Variants in GRIN2B observed in about 807,000 individuals in gnomAD.
GRIN2B encodes glutamate receptor ionotropic, NMDA 2B.
A neutral mutation model predicts 114.5 loss-of-function variants in GRIN2B; 5 were observed. The ratio of observed to expected loss-of-function variants is 0.04; its 90% CI spans 0.02 to 0.09. The LOEUF (loss-of-function observed/expected upper bound fraction) is 0.09, where lower values mean the gene tolerates loss of function less well. Ranked by LOEUF, GRIN2B falls within the 10% of genes least tolerant of loss-of-function variation. GRIN2B has a pLI of 1.00. For missense variants in GRIN2B, 1,108 were observed against 1,943.5 expected (o/e 0.57, Z 8.08); for synonymous variants, 787 against 745.1 (o/e 1.06, Z -0.92).
chr12:13,565,048 C>A (rs1202303440), intron 13 of GRIN2B, among the ~76,000 whole-genome samples: 1 of 152,198 alleles, frequency 6.6e-6, no homozygotes, highest in African/African-American at 2.4e-5. Context: ...AAATAAACGG[C>A]CATGTTCTAT....
intron 5 of GRIN2B, among the ~76,000 whole-genome samples, chr12:13,654,640 A>G (rs1949845495): frequency 6.6e-6 from 1 of 152,176 alleles, no homozygotes; most frequent in African/African-American, 2.4e-5. Flanking sequence ...GAGTTCCTGT[A>G]TACAAAAAGT....
chr12:13,738,253 C>T (rs530252723), intron 4 of GRIN2B, among the ~76,000 whole-genome samples: 1 of 152,358 alleles, frequency 6.6e-6, no homozygotes, highest in African/African-American at 2.4e-5. Flanking sequence ...ACATCACTTT[C>T]TAGTGCTAAT....
Position 13,547,981 on chromosome 12 carries a change from A to ATATATATATATATATATTTTTTTTTTTTT in GRIN2B, c.*14801_*14802insAAAAAAAAAAAAATATATATATATATATA. The ATATATATATATATATATTTTTTTTTTTTT allele has an allele frequency of 4.4e-5, 3 of 68,578 alleles. No homozygotes were observed. The highest frequency in any genetic ancestry group is 1.9e-4 in the Admixed American group (1 of 5,176). The allele number at this position is 68,578 out of a possible 1,614,324, so 4.2% of individuals were successfully genotyped here. On this transcript the variant is annotated 3_prime_UTR_variant, in exon 14 of 14. Coordinates refer to ENST00000609686, the MANE Select transcript of GRIN2B (RefSeq NM_000834.5). ...TGTGTATATATATATATATATATAT[A>ATATATATATATATATATTTTTTTTTTTTT]TTTTTTTTTTTTTTCTGAAAGCTAC...
rs1948451533 is a variant in GRIN2B, at chr12:13,554,271, ATAGCTGCCAC to A, written c.*8502_*8511del. On this transcript the variant is annotated 3_prime_UTR_variant, in exon 14 of 14. Coordinates refer to ENST00000609686, the MANE Select transcript of GRIN2B (RefSeq NM_000834.5). ...TACCTATGAAATAAGATGGCCCATG[ATAGCTGCCAC>A]TAGGGAGAAACAACGAAAGTGTTAT... 6.6e-6 allele frequency: 1 copy of A among 152,200 alleles called. No homozygotes were observed. The highest frequency in any genetic ancestry group is 6.5e-5 in the Admixed American group (1 of 15,276). The allele number at this position is 152,200 out of a possible 1,614,324, so 9.4% of individuals were successfully genotyped here.
intron 10 of GRIN2B, among the ~76,000 whole-genome samples, chr12:13,606,615 C>A (rs1308783933): frequency 6.6e-6 from 1 of 152,114 alleles, no homozygotes; most frequent in Non-Finnish European, 1.5e-5. Flanking sequence ...GCGTGGTCCA[C>A]CTTACCCTAA....
chr12:13,748,235 A>G (rs773611965), intron 4 of GRIN2B, among the ~76,000 whole-genome samples: 2 of 152,230 alleles, frequency 1.3e-5, no homozygotes, highest in Non-Finnish European at 2.9e-5. Flanking sequence ...CTATATTAAG[A>G]TCCATCTATC....
At chr12:13,678,074 G>C (rs1950092474) in intron 4 of GRIN2B, among the ~76,000 whole-genome samples, 4 of 152,084 alleles carry the variant, frequency 2.6e-5, no homozygotes, top group African/African-American at 4.8e-5. Flanking sequence ...AGAAATCTTG[G>C]AATAGCCAAC....
At chr12:13,821,337 C>T (rs1864932465) in intron 3 of GRIN2B, among the ~76,000 whole-genome samples, 1 of 152,214 alleles carries the variant, frequency 6.6e-6, no homozygotes, top group Admixed American at 6.5e-5. Flanking sequence ...TGTTCACACA[C>T]ACTTACACAT....
chr12:13,899,665 G>T (rs1168097832), intron 2 of GRIN2B, among the ~76,000 whole-genome samples: 1 of 143,632 alleles, frequency 7.0e-6, no homozygotes, highest in Non-Finnish European at 1.6e-5. Context: ...GTCAAAGGGG[G>T]ACATTGCCAA....
intron 2 of GRIN2B, among the ~76,000 whole-genome samples, chr12:13,958,885 G>T (rs543923483): frequency 6.6e-6 from 1 of 151,634 alleles, no homozygotes; most frequent in South Asian, 2.1e-4. Context: ...GAAAAAAGAC[G>T]TTATAGAGAC....
At chr12:13,767,510 A>G (rs1022563706) in intron 3 of GRIN2B, among the ~76,000 whole-genome samples, 1 of 152,160 alleles carries the variant, frequency 6.6e-6, no homozygotes, top group African/African-American at 2.4e-5. Flanking sequence ...TACACTAGCA[A>G]TGGCGCCCAT....
chr12:13,769,596 T>C (rs1348347468), intron 3 of GRIN2B, among the ~76,000 whole-genome samples: 1 of 152,222 alleles, frequency 6.6e-6, no homozygotes, highest in Non-Finnish European at 1.5e-5. Context: ...ACAATTTACT[T>C]GGCGATAAAG....
At chr12:13,811,772 C>A (rs1591745899) in intron 3 of GRIN2B, among the ~76,000 whole-genome samples, 1 of 152,254 alleles carries the variant, frequency 6.6e-6, no homozygotes, top group Non-Finnish European at 1.5e-5. Flanking sequence ...AACATACTAG[C>A]CTGACTGGAG....
intron 3 of GRIN2B, among the ~76,000 whole-genome samples, chr12:13,761,335 T>C (rs1254451691): frequency 1.3e-5 from 2 of 152,224 alleles, no homozygotes; most frequent in Non-Finnish European, 2.9e-5. Context: ...TCGCCAAATT[T>C]AAACCACAGT....
chr12:13,940,849 T>C (rs1867234091), intron 2 of GRIN2B, among the ~76,000 whole-genome samples: 1 of 146,102 alleles, frequency 6.8e-6, no homozygotes, highest in Non-Finnish European at 1.5e-5. Context: ...TGCCCCACCC[T>C]GACATATACC....
intron 2 of GRIN2B, among the ~76,000 whole-genome samples, chr12:13,890,631 G>C (rs11055666): frequency 0.15 from 22,970 of 152,190 alleles, 2,162 homozygotes; most frequent in East Asian, 0.2. Context: ...TTGAGAAGAA[G>C]GGGTGCTTCA....
At chr12:13,666,047 T>C (rs548095520) in intron 5 of GRIN2B, among the ~76,000 whole-genome samples, 5 of 152,230 alleles carry the variant, frequency 3.3e-5, no homozygotes, top group African/African-American at 1.2e-4. Context: ...CAGCAAACGC[T>C]TGAGCTAGAA....
At chr12:13,897,667 G>A (rs1237934595) in intron 2 of GRIN2B, among the ~76,000 whole-genome samples, 1 of 152,076 alleles carries the variant, frequency 6.6e-6, no homozygotes, top group Non-Finnish European at 1.5e-5. Context: ...AAATAAGAAT[G>A]TTGTATTAGG....
chr12:13,691,153 C>T (rs941077997), intron 4 of GRIN2B, among the ~76,000 whole-genome samples: 1 of 152,200 alleles, frequency 6.6e-6, no homozygotes, highest in South Asian at 2.1e-4. Context: ...TCACTCCCTA[C>T]ACACATCACA....
Sources: gnomAD v4.1 joint callset for allele counts (sites outside exome capture counted in the v4.1 genomes callset) on GRCh38, gnomAD v4.1.1 for gene constraint, MANE v1.5 for transcripts, NCBI Gene and HGNC (gene_info 2026-07-23, HGNC 2026-07-21) for gene names.